NAA25: variants seen among roughly 807,000 people sequenced by gnomAD.
NAA25 encodes N-alpha-acetyltransferase 25, NatB auxiliary subunit, also known as N-terminal acetyltransferase B complex subunit NAA25.
A neutral mutation model predicts 132.5 loss-of-function variants in NAA25; 30 were observed. That is an observed-to-expected ratio of 0.23 (90% CI 0.17 to 0.31). The LOEUF (loss-of-function observed/expected upper bound fraction) is 0.31, where lower values mean the gene tolerates loss of function less well. Ranked by LOEUF, NAA25 falls within the 10% of genes least tolerant of loss-of-function variation. NAA25 has a pLI of 1.00. For missense variants in NAA25, 771 were observed against 1,150.4 expected, an observed-to-expected ratio of 0.67 and a Z score of 4.77; for synonymous variants, 359 against 401.9, an observed-to-expected ratio of 0.89 and a Z score of 1.28.
chr12:112,055,204 G>A (rs996399354), intron 13 of NAA25, among the ~76,000 whole-genome samples: 1 of 152,038 alleles, frequency 6.6e-6, no homozygotes, highest in African/African-American at 2.4e-5. Flanking sequence ...AATGATGGGA[G>A]GATGAGTAGG....
intron 22 of NAA25, 23 bp downstream of exon 22, chr12:112,039,206 A>G (rs1011213686): frequency 6.4e-6 from 9 of 1,404,296 alleles, no homozygotes; most frequent in Non-Finnish European, 8.9e-6. Flanking sequence ...TTCCTTGTAT[A>G]TCACTTGTGT....
rs761174402 is a variant in NAA25 at position 112,039,190 on chromosome 12, A to G, written c.2649+39T>C. ...TGAAAAGAAAAAGTAGCATGTGGTC[A>G]GATTGTTCCTTGTATATCACTTGTG... is the stretch of plus-strand genomic sequence containing the variant. On this transcript the variant is annotated intron_variant, in intron 22 of 23. Transcript: ENST00000261745. The G allele has an allele frequency of 2.4e-6, 3 of 1,261,564 alleles. No homozygotes were observed. In the Admixed American group the frequency reaches 6.4e-5, roughly 27 times the overall value. The allele number at this position is 1,261,564 out of a possible 1,614,324, so 78.1% of individuals were successfully genotyped here.
At chr12:112,066,654 T>A (rs1374016006) in intron 11 of NAA25, among the ~76,000 whole-genome samples, 19 of 152,220 alleles carry the variant, frequency 1.2e-4, no homozygotes, top group Admixed American at 1.2e-3. Flanking sequence ...CCTTTCTGGA[T>A]GTGTTACAAT....
rs1342251813 is a variant in NAA25 at position 112,085,386 on chromosome 12, T to C, written c.402+2297A>G. Among the ~76,000 whole-genome samples the C allele has an allele frequency of 4.8e-4, 73 of 152,070 alleles. 1 individual carries two copies. ...CAGCCTGGGTGACAGAGAGAGTCTGTCTATCTCAAAAAAAGAAAAAGAAAA... is the reference window on the plus strand; with the variant it reads ...CAGCCTGGGTGACAGAGAGAGTCTGCCTATCTCAAAAAAAGAAAAAGAAAA... On this transcript the variant is annotated intron_variant, in intron 4 of 23. Coordinates refer to ENST00000261745, the MANE Select transcript of NAA25 (RefSeq NM_024953.4).
intron 15 of NAA25, among the ~76,000 whole-genome samples, chr12:112,051,243 C>T (rs1024701957): frequency 2.0e-5 from 3 of 152,090 alleles, no homozygotes; most frequent in Non-Finnish European, 4.4e-5. Context: ...GGGACAGAGT[C>T]TCTCTCGTCA....
At chr12:112,042,129 A>C (rs1164497534) in intron 19 of NAA25, 25 bp from the exon 20 acceptor site, 2 of 1,216,500 alleles carry the variant, frequency 1.6e-6, no homozygotes, top group Non-Finnish European at 2.2e-6. Context: ...CAAAAAATGA[A>C]AAACTTTCAA....
At chr12:112,084,275 T>C (rs2079012725) in intron 4 of NAA25, among the ~76,000 whole-genome samples, 1 of 152,222 alleles carries the variant, frequency 6.6e-6, no homozygotes, top group African/African-American at 2.4e-5. Flanking sequence ...CACGAGTTTA[T>C]ACAAATCATT....
chr12:112,051,554 C>A (rs1593767553), intron 15 of NAA25, among the ~76,000 whole-genome samples: 3 of 152,198 alleles, frequency 2.0e-5, no homozygotes, highest in South Asian at 4.1e-4. Context: ...AAGATTATCT[C>A]CTGTCAGCAG....
At chr12:112,095,534 G>A (rs1483797788) in intron 1 of NAA25, among the ~76,000 whole-genome samples, 9 of 151,230 alleles carry the variant, frequency 6.0e-5, no homozygotes, top group African/African-American at 2.2e-4. Flanking sequence ...GGTAGAGGCT[G>A]CAGTGAGCTA....
chr12:112,044,542 C>T (rs879309885), intron 17 of NAA25, among the ~76,000 whole-genome samples: 15 of 151,620 alleles, frequency 9.9e-5, no homozygotes, highest in Admixed American at 6.6e-5. Context: ...TGGTGGTGGG[C>T]GCCTGTAGTC....
intron 1 of NAA25, 84 bp from the exon 2 acceptor site, chr12:112,093,220 T>C: frequency 2.3e-6 from 2 of 864,852 alleles, no homozygotes; most frequent in Non-Finnish European, 3.8e-6. Context: ...TGAGATATTT[T>C]GGAAAATATC....
At chr12:112,096,491 T>G (rs2079214565) in intron 1 of NAA25, among the ~76,000 whole-genome samples, 1 of 152,150 alleles carries the variant, frequency 6.6e-6, no homozygotes, top group Non-Finnish European at 1.5e-5. Flanking sequence ...TTCAATGCAC[T>G]TAATGCACTT....
rs1180192436 is a variant in NAA25, at chr12:112,049,519, C to T, written c.1729-1076G>A. 6.1e-6 allele frequency: 6 copies of T among 985,742 alleles called. No homozygotes were observed. The highest frequency in any genetic ancestry group is 7.2e-6 in the Non-Finnish European group (6 of 829,954). The allele number at this position is 985,742 out of a possible 1,614,324, so 61.1% of individuals were successfully genotyped here. ...CAGCCTTGCAGGGTTCATTTCAGGC[C>T]GCGGGATTGCGCCACGGGCGCTAAT... On this transcript the variant is annotated intron_variant, in intron 15 of 23. Transcript: ENST00000261745. This position sits in a 1 kb window ranked among gnomAD's most constrained non-coding sequence, Gnocchi z 4.7.
At position 112,026,789 on chromosome 12, in the gene NAA25, T is replaced by C. The variant is rs1405612210; in HGVS notation, c.*2742A>G. The C allele has an allele frequency of 2.0e-5, 3 of 152,242 alleles. No homozygotes were observed. Among genetic ancestry groups the C allele is most frequent in the African/African-American group, 7.2e-5 (3 of 41,460 alleles). The allele number at this position is 152,242 out of a possible 1,614,324, so 9.4% of individuals were successfully genotyped here. A position where few individuals can be genotyped will look rare whatever the true frequency, so the allele number is the denominator to read the frequency against. On this transcript the variant is annotated 3_prime_UTR_variant, in exon 24 of 24. Transcript: ENST00000261745. ...TAAGGAAGAATATATACTTCCTATA[T>C]TAATAAATCACATCAAATAAGTAGG...
intron 1 of NAA25, among the ~76,000 whole-genome samples, chr12:112,105,222 G>A (rs1049368316): frequency 6.6e-6 from 1 of 151,682 alleles, no homozygotes; most frequent in African/African-American, 2.4e-5. Flanking sequence ...AGGAGGCTGA[G>A]GTGGATGGAT....
At chr12:112,036,047 G>GT (rs1352287529) in intron 22 of NAA25, among the ~76,000 whole-genome samples, 1 of 152,186 alleles carries the variant, frequency 6.6e-6, no homozygotes, top group East Asian at 1.9e-4. Flanking sequence ...CCCATTGATA[G>GT]TAACAGCATA....
Position 112,043,855 on chromosome 12 carries a change from C to G in NAA25, c.2020G>C (p.Glu674Gln). 5 of 1,612,600 alleles carry G rather than the reference C, an allele frequency of 3.1e-6. No individual in the cohort carries two copies. The highest frequency in any genetic ancestry group is 4.2e-6 in the Non-Finnish European group (5 of 1,178,794). ...TCCTCTAAGGAAAGTTTCTTATGTT[C>G]TTCAGAAACGTCCCTTAAACAGAAA... ...WDPKDRDVSE[E>Q]HKKLSLEEET... Residue 674 changes from glutamate (E) to glutamine (Q), a missense_variant, in exon 18 of 24, where the codon GAA (glutamate) becomes CAA (glutamine). Transcript: ENST00000261745.
intron 5 of NAA25, 86 bp downstream of exon 5, chr12:112,080,974 A>T (rs1325825461): frequency 8.4e-7 from 1 of 1,184,406 alleles, no homozygotes; most frequent in African/African-American, 1.5e-5. Flanking sequence ...TCAAACAAAA[A>T]AAACCAGTTC....
chr12:112,070,303 T>C (rs997442733), intron 10 of NAA25, among the ~76,000 whole-genome samples: 1 of 152,206 alleles, frequency 6.6e-6, no homozygotes, highest in Admixed American at 6.6e-5. Flanking sequence ...TAAAAAGATC[T>C]AAGGGCTTCA....
Sources: allele counts gnomAD v4.1 joint callset (sites outside exome capture counted in the v4.1 genomes callset), GRCh38; gene constraint gnomAD v4.1.1; non-coding constraint Gnocchi (gnomAD v3.1); transcripts MANE v1.5; gene names NCBI Gene and HGNC (gene_info 2026-07-23, HGNC 2026-07-21).